CPSF3: variants seen among roughly 807,000 people sequenced by gnomAD.
CPSF3 encodes the protein cleavage and polyadenylation specificity factor subunit 3.
CPSF3 carries 57 observed loss-of-function variants against 84.1 expected under a neutral mutation model. That is an observed-to-expected ratio of 0.68 (90% CI 0.55 to 0.85). The LOEUF is 0.85. CPSF3 is among the 40% of genes least tolerant of loss of function. CPSF3 has a pLI of 0.00. For missense variants in CPSF3, 522 were observed against 838.8 expected, an observed-to-expected ratio of 0.62 and a Z score of 4.66; for synonymous variants, 275 against 278.1, an observed-to-expected ratio of 0.99 and a Z score of 0.11.
At position 9,432,687 on chromosome 2, in the gene CPSF3, AG is replaced by A; in HGVS notation, c.519+1del. 6.6e-7 allele frequency: 1 copy of A among 1,511,954 alleles called. No homozygotes were observed. The allele number at this position is 1,511,954 out of a possible 1,614,324, so 93.7% of individuals were successfully genotyped here. A position where few individuals can be genotyped will look rare whatever the true frequency, so the allele number is the denominator to read the frequency against. ...TTCATGATTGAGATCGCAGGCGTGA[AG>A]GTACCCTCTGGCTGTGGCGCTTTTC... is the stretch of plus-strand genomic sequence containing the variant. ...AMFMIEIAGVKLLYTGDFSRQ... is the reference protein window; with the variant it reads ...AMFMIEIAGVXLLYTGDFSRQ... On this transcript the variant is annotated frameshift_variant and splice_region_variant, in exon 5 of 18. Transcript: ENST00000238112. LOFTEE classifies it high-confidence loss of function.
chr2:9,465,375 T>G (rs184150642), intron 15 of CPSF3, among the ~76,000 whole-genome samples: 46 of 152,084 alleles, frequency 3.0e-4, no homozygotes, highest in African/African-American at 1.1e-3. Context: ...GCCCAGGAGT[T>G]CAAGGTTACA....
At chr2:9,453,946 C>T (rs1681421420) in intron 12 of CPSF3, among the ~76,000 whole-genome samples, 1 of 152,098 alleles carries the variant, frequency 6.6e-6, no homozygotes, top group Non-Finnish European at 1.5e-5. Context: ...TTGTAAATTG[C>T]TTTTTTCCCA....
chr2:9,471,515 A>C, intron 17 of CPSF3, 76 bp downstream of exon 17: 1 of 881,086 alleles, frequency 1.1e-6, no homozygotes, highest in Non-Finnish European at 1.9e-6. Context: ...GTGCTCTCAC[A>C]CTCAACAGTC....
chr2:9,455,036 G>A (rs1681474831), intron 12 of CPSF3, among the ~76,000 whole-genome samples: 1 of 152,092 alleles, frequency 6.6e-6, no homozygotes, highest in Non-Finnish European at 1.5e-5. Flanking sequence ...GCCAGGTGGT[G>A]AAAGATTGTT....
intron 14 of CPSF3, among the ~76,000 whole-genome samples, chr2:9,458,003 G>A (rs995785011): frequency 2.0e-5 from 3 of 152,010 alleles, no homozygotes; most frequent in African/African-American, 7.2e-5. Flanking sequence ...TGATCCACCC[G>A]CCTCGCATAC....
At chr2:9,437,402 A>AAAAC (rs367929140) in intron 7 of CPSF3, among the ~76,000 whole-genome samples, 4 of 151,750 alleles carry the variant, frequency 2.6e-5, no homozygotes, top group South Asian at 4.2e-4. Flanking sequence ...AGACTGTCTC[A>AAAAC]AAACAAACAA....
chr2:9,458,432 G>C (rs1446262690), intron 14 of CPSF3, among the ~76,000 whole-genome samples: 1 of 152,040 alleles, frequency 6.6e-6, no homozygotes, highest in African/African-American at 2.4e-5. Context: ...AAAGTGAAAA[G>C]GAGTAGTTAT....
In CPSF3 at chr2:9,443,545, A is replaced by G. The variant is rs1471485492; in HGVS notation, c.1126A>G (p.Thr376Ala). 6.2e-7 allele frequency: 1 copy of G among 1,613,954 alleles called. No homozygotes were observed. The highest frequency in any genetic ancestry group is 8.5e-7 in the Non-Finnish European group (1 of 1,179,976). ...HIMSEPEEITTMSGQKLPLKM... is the reference protein window; with the variant it reads ...HIMSEPEEITAMSGQKLPLKM... Reference sequence around the variant, plus strand: ...CATGTCTGAACCTGAAGAAATCACTACTATGTCTGGACAGAAGTTACCACT... The same window carrying G: ...CATGTCTGAACCTGAAGAAATCACTGCTATGTCTGGACAGAAGTTACCACT... Residue 376 changes from threonine to alanine, a missense_variant, in exon 10 of 18, where the codon ACT becomes GCT. By Grantham distance (58) the Thr-to-Ala change is moderately conservative. Around this residue, in one of 2 missense-constraint regions of CPSF3, gnomAD observed 329 missense variants for 607.2 expected, o/e 0.54. Coordinates refer to ENST00000238112, the MANE Select transcript of CPSF3 (RefSeq NM_016207.4).
At chr2:9,436,121 G>A (rs761834733) in intron 6 of CPSF3, 90 bp from the exon 7 acceptor site, 22 of 1,098,002 alleles carry the variant, frequency 2.0e-5, no homozygotes, top group Non-Finnish European at 2.8e-5. Flanking sequence ...GAAGTGAATT[G>A]CTTAGCCCCT....
chr2:9,439,485 A>AAG (rs996156579), intron 7 of CPSF3, among the ~76,000 whole-genome samples: 16 of 151,792 alleles, frequency 1.1e-4, no homozygotes, highest in African/African-American at 3.6e-4. Context: ...AAAAAAAAAA[A>AAG]AAAGAAATTA....
At chr2:9,464,632 C>T (rs188683103) in intron 15 of CPSF3, among the ~76,000 whole-genome samples, 7 of 152,092 alleles carry the variant, frequency 4.6e-5, no homozygotes, top group African/African-American at 7.2e-5. Flanking sequence ...CTCACTGTGT[C>T]GCAGACTTGA....
chr2:9,433,351 T>C (rs1400763719), intron 5 of CPSF3, among the ~76,000 whole-genome samples: 1 of 152,206 alleles, frequency 6.6e-6, no homozygotes, highest in Admixed American at 6.5e-5. Flanking sequence ...TAGTGTCACG[T>C]CCTAAATTTT....
rs1682156660 is a variant in CPSF3 at position 9,471,365 on chromosome 2, G to A, written c.1879G>A (p.Val627Ile). 1.9e-6 allele frequency: 3 copies of A among 1,611,146 alleles called. No homozygotes were observed. The South Asian group carries it at 3.3e-5, about 18-fold the overall frequency. ...CAGGGACATATTTGGAGAAGACTGT[G>A]TAAGTGTAAAGGATGACTCTATTCT... ...MLQDIFGEDCVSVKDDSILSV... is the reference protein window; with the variant it reads ...MLQDIFGEDCISVKDDSILSV... The change falls in exon 17 of 18, where the codon GTA becomes ATA. Residue 627 changes from valine to isoleucine, a missense_variant. Physicochemically the swap from Val to Ile is conservative, Grantham distance 29. Coordinates refer to ENST00000238112, the MANE Select transcript of CPSF3 (RefSeq NM_016207.4).
rs143858016 is a variant in CPSF3 at position 9,432,646 on chromosome 2, C to T, written c.477C>T (p.Val159=). 15 of 1,567,776 alleles carry T rather than the reference C, an allele frequency of 9.6e-6. No individual in the cohort carries two copies. In the African/African-American group the frequency reaches 1.3e-4, roughly 14 times the overall value. The stretch of plus-strand genomic sequence containing the variant: ...TTTGGTGTTACCATGCAGGTCACGT[C>T]CTAGGAGCCGCCATGTTCATGATTG... ...IKFWCYHAGH[V]LGAAMFMIEI... The change falls in exon 5 of 18, where the codon GTC becomes GTT. Residue 159 remains valine, a synonymous_variant. Coordinates refer to ENST00000238112, the MANE Select transcript of CPSF3 (RefSeq NM_016207.4).
chr2:9,463,404 G>A (rs1043942860), intron 15 of CPSF3, among the ~76,000 whole-genome samples: 3 of 152,184 alleles, frequency 2.0e-5, no homozygotes, highest in South Asian at 2.1e-4. Context: ...TGGGGATATC[G>A]CAAAGTGCTG....
intron 4 of CPSF3, 152 bp from the exon 5 acceptor site, chr2:9,432,359 C>A: frequency 5.6e-6 from 3 of 535,554 alleles, no homozygotes; most frequent in Admixed American, 4.0e-5. Flanking sequence ...AAAAAATACA[C>A]AAAATATCTG....
At chr2:9,431,529 A>ATATATTTTTTTTCTTTTTTTTT (rs1553342542) in intron 4 of CPSF3, among the ~76,000 whole-genome samples, 1 of 131,684 alleles carries the variant, frequency 7.6e-6, no homozygotes. Flanking sequence ...AAATATACAT[A>ATATATTTTTTTTCTTTTTTTTT]TTTTTTTTTT....
intron 5 of CPSF3, 36 bp from the exon 6 acceptor site, chr2:9,433,835 C>A: frequency 6.9e-7 from 1 of 1,451,080 alleles, no homozygotes; most frequent in South Asian, 1.2e-5. Flanking sequence ...GAAGCCTTCC[C>A]CAAATCCTAA....
At chr2:9,431,569 G>C (rs1353845525) in intron 4 of CPSF3, among the ~76,000 whole-genome samples, 1 of 134,530 alleles carries the variant, frequency 7.4e-6, no homozygotes, top group Non-Finnish European at 1.5e-5. Flanking sequence ...TTTTGAGACG[G>C]AGTCTTGTGC....
Sources: gnomAD v4.1 joint callset for allele counts (sites outside exome capture counted in the v4.1 genomes callset) on GRCh38, gnomAD v4.1.1 for gene constraint, gnomAD v4.1.1 regional missense constraint, MANE v1.5 for transcripts, NCBI Gene and HGNC (gene_info 2026-07-23, HGNC 2026-07-21) for gene names.